SSBP4: variants seen among roughly 807,000 people sequenced by gnomAD.
SSBP4 encodes the protein single stranded DNA binding protein 4, also known as single-stranded DNA-binding protein 4.
In SSBP4, 33 loss-of-function variants were observed where a neutral mutation model predicts 64.6. The observed-to-expected ratio is 0.51, with a 90% confidence interval of 0.39 to 0.68. SSBP4 has a LOEUF of 0.68. SSBP4 is among the 30% of genes least tolerant of loss of function. SSBP4 has a pLI of 0.00. For synonymous variants in SSBP4, 243 were observed against 224.0 expected, an observed-to-expected ratio of 1.08 and a Z score of -0.76; for missense variants, 583 against 566.8, an observed-to-expected ratio of 1.03 and a Z score of -0.29.
chr19:18,433,536 A>G, intron 15 of SSBP4, 49 bp from the exon 16 acceptor site: 2 of 1,541,158 alleles, frequency 1.3e-6, no homozygotes, highest in Non-Finnish European at 8.7e-7. Flanking sequence ...GCCGAGGGGC[A>G]TGGCGCCAGC....
At chr19:18,434,148 G>A in intron 17 of SSBP4, 69 bp from the exon 18 acceptor site, 1 of 1,601,674 alleles carries the variant, frequency 6.2e-7, no homozygotes, top group Non-Finnish European at 8.5e-7. Flanking sequence ...CATTGTCCCT[G>A]GGGGCGGGTC....
rs759624154 is a variant in SSBP4, at chr19:18,427,855, G to C, written c.194+42G>C. On this transcript the variant is annotated intron_variant, in intron 3 of 17. Coordinates refer to ENST00000270061, the MANE Select transcript of SSBP4 (RefSeq NM_032627.5). This position sits in a 1 kb window ranked among gnomAD's most constrained non-coding sequence, Gnocchi z 4.4. The stretch of plus-strand genomic sequence containing the variant: ...TGTGGGTGGGCTGTGGAAGGGGGTT[G>C]AGGGAGGCACGTGGAGCAACCATCT... 1.9e-6 allele frequency: 3 copies of C among 1,613,888 alleles called. No individual in the cohort carries two copies. The Admixed American group carries it at 5.0e-5, about 27-fold the overall frequency.
Position 18,419,662 on chromosome 19 carries a change from G to A in SSBP4, c.14G>A (p.Gly5Glu). Residue 5 changes from glycine to glutamate, a missense_variant, in exon 1 of 18, where the codon GGG becomes GAG. By Grantham distance (98) the Gly-to-Glu change is moderately conservative. Transcript: ENST00000270061. ...GCGTGGAGCAGCATGTACGCCAAGG[G>A]GGGCAAGGGTTCGGCCGTGCCCTCC... MYAK[G>E]GKGSAVPSDS... 1.6e-6 allele frequency: 2 copies of A among 1,241,818 alleles called. No individual in the cohort carries two copies. Among genetic ancestry groups the A allele is most frequent in the Non-Finnish European group, 2.0e-6 (2 of 987,698 alleles). 76.9% of individuals were successfully genotyped at this position (1,241,818 alleles called of 1,614,324 possible). A position where few individuals can be genotyped will look rare whatever the true frequency, so the allele number is the denominator to read the frequency against.
chr19:18,419,693 C>T lies in SSBP4; in HGVS notation c.45C>T (p.Ser15=). The T allele has an allele frequency of 8.4e-7, 1 of 1,185,592 alleles. No individual in the cohort carries two copies. Among genetic ancestry groups the T allele is most frequent in the Non-Finnish European group, 1.0e-6 (1 of 955,842 alleles). 73.4% of individuals were successfully genotyped at this position (1,185,592 alleles called of 1,614,324 possible). ...AGGGTTCGGCCGTGCCCTCCGACAG[C>T]CAGGCCCGCGAGAAGTGAGTGCGGG... The part of the protein sequence containing the change: ...GGKGSAVPSD[S]QAREKLALYV... The change falls in exon 1 of 18, where the codon AGC becomes AGT. Residue 15 remains serine (S), a synonymous_variant. Transcript: ENST00000270061.
the SSBP4 span, among the ~76,000 whole-genome samples, chr19:18,413,430 T>A: frequency 3.3e-5 from 5 of 152,044 alleles, no homozygotes; most frequent in African/African-American, 1.2e-4. Flanking sequence ...GCCAGGATGG[T>A]CTCAAACTCC....
the SSBP4 span, among the ~76,000 whole-genome samples, chr19:18,410,560 G>A: frequency 6.6e-6 from 1 of 152,208 alleles, no homozygotes; most frequent in East Asian, 1.9e-4. Flanking sequence ...GCGTGACTGG[G>A]TGATGTTTTC....
chr19:18,417,295 C>G (rs1972152555), upstream of SSBP4, among the ~76,000 whole-genome samples: 1 of 152,224 alleles, frequency 6.6e-6, no homozygotes, highest in South Asian at 2.1e-4. The surrounding 1 kb of genome is among the most constrained non-coding windows in gnomAD (Gnocchi z 5.4). Flanking sequence ...ACAGTAGGCG[C>G]TCAATACATG....
At chr19:18,403,768 T>TTGGGGTCTGGGGCCCC in the SSBP4 span, among the ~76,000 whole-genome samples, 2 of 151,630 alleles carry the variant, frequency 1.3e-5, no homozygotes, top group African/African-American at 4.9e-5. Context: ...TCTGGGAGTC[T>TTGGGGTCTGGGGCCCC]TGGGGTCTGG....
Position 18,434,217 on chromosome 19 carries a change from T to C in SSBP4, c.1129T>C (p.Tyr377His). The change falls in exon 18 of 18, where the codon TAC (tyrosine) becomes CAC (histidine). Residue 377 changes from tyrosine to histidine, a missense_variant and splice_region_variant. By Grantham distance (83) the Tyr-to-His change is moderately conservative (BLOSUM62 2). This residue lies in a region of SSBP4 where 26 missense variants were observed against 21.8 expected (regional missense o/e 1.19). Transcript: ENST00000270061. ...GCGCTGCCCCCTCCTCTCTCCGCAG[T>C]ACTCGCCAGGGATGACCATGAGCGT... ...TFLHPFPSES[Y>H]SPGMTMSV 6.2e-7 allele frequency: 1 copy of C among 1,611,892 alleles called. No homozygotes were observed. Among genetic ancestry groups the C allele is most frequent in the South Asian group, 1.1e-5 (1 of 91,010 alleles).
chr19:18,432,492 G>GGT, intron 10 of SSBP4, 67 bp from the exon 11 acceptor site: 1 of 1,515,010 alleles, frequency 6.6e-7, no homozygotes, highest in Non-Finnish European at 8.9e-7. Context: ...GGGTGTGGGG[G>GGT]GTGTGTGGTG....
At chr19:18,405,530 G>T in the SSBP4 span, among the ~76,000 whole-genome samples, 1 of 151,336 alleles carries the variant, frequency 6.6e-6, no homozygotes, top group Non-Finnish European at 1.5e-5. Flanking sequence ...TTGAGACAAG[G>T]TCTCTGTCCG....
At chr19:18,408,616 CT>C in the SSBP4 span, among the ~76,000 whole-genome samples, 1 of 151,994 alleles carries the variant, frequency 6.6e-6, no homozygotes, top group African/African-American at 2.4e-5. Flanking sequence ...CCTCAGCCTC[CT>C]GAGTAGTTGG....
Position 18,433,644 on chromosome 19 carries a change from G to T in SSBP4, c.1020+31G>T, listed in dbSNP as rs1318693370. The T allele has an allele frequency of 2.3e-6, 3 of 1,288,854 alleles. No homozygotes were observed. The South Asian group carries it at 5.2e-5, about 22-fold the overall frequency. The allele number at this position is 1,288,854 out of a possible 1,614,324, so 79.8% of individuals were successfully genotyped here. A position where few individuals can be genotyped will look rare whatever the true frequency, so the allele number is the denominator to read the frequency against. ...GAGGCTGCGCTCTTGCCGGGGGTGG[G>T]ATCCGGGGGGGGTGGCGGGGAGGGG... On this transcript the variant is annotated intron_variant, in intron 16 of 17. Transcript: ENST00000270061.
At chr19:18,418,067 G>A (rs1972197304), upstream of SSBP4, among the ~76,000 whole-genome samples, 1 of 152,098 alleles carries the variant, frequency 6.6e-6, no homozygotes, top group Non-Finnish European at 1.5e-5. This position sits in a 1 kb window ranked among gnomAD's most constrained non-coding sequence, Gnocchi z 6.7. Context: ...TGCACATTCG[G>A]CACACACTTG....
chr19:18,420,190 C>G (rs1234366687), intron 1 of SSBP4: 1 of 151,952 alleles, frequency 6.6e-6, no homozygotes, highest in African/African-American at 2.4e-5. Context: ...TGGGGTAGAG[C>G]TGGAGAGCGG....
At chr19:18,410,353 A>G in the SSBP4 span, among the ~76,000 whole-genome samples, 1 of 151,076 alleles carries the variant, frequency 6.6e-6, no homozygotes, top group South Asian at 2.1e-4. Flanking sequence ...GCTGGTATTG[A>G]ACTCCTGACC....
At chr19:18,431,625 G>T (rs1305360403) in intron 6 of SSBP4, 22 bp from the exon 7 acceptor site, 9 of 1,536,210 alleles carry the variant, frequency 5.9e-6, no homozygotes, top group Non-Finnish European at 7.9e-6. Flanking sequence ...GGAAGGTGCT[G>T]ATCCCCGCCC....
upstream of SSBP4, among the ~76,000 whole-genome samples, chr19:18,416,739 T>C (rs1972133884): frequency 6.6e-6 from 1 of 152,148 alleles, no homozygotes; most frequent in Non-Finnish European, 1.5e-5. Context: ...AGTCTGAACA[T>C]TCCACTTCCA....
the SSBP4 span, among the ~76,000 whole-genome samples, chr19:18,411,319 C>A: frequency 6.6e-6 from 1 of 151,968 alleles, no homozygotes; most frequent in African/African-American, 2.4e-5. Flanking sequence ...ATGATGAAAC[C>A]TTGTCTCTAC....
Sources: gnomAD v4.1 joint callset for allele counts (sites outside exome capture counted in the v4.1 genomes callset) on GRCh38, gnomAD v4.1.1 for gene constraint, gnomAD v4.1.1 regional missense constraint, Gnocchi (gnomAD v3.1) non-coding constraint, MANE v1.5 for transcripts, NCBI Gene and HGNC (gene_info 2026-07-23, HGNC 2026-07-21) for gene names.